Variants in ANKRD44 observed in about 807,000 individuals in gnomAD.
The protein encoded by ANKRD44 is serine/threonine-protein phosphatase 6 regulatory ankyrin repeat subunit B.
ANKRD44 carries 35 observed loss-of-function variants against 116.0 expected under a neutral mutation model. That is an observed-to-expected ratio of 0.30 (90% CI 0.23 to 0.40). The LOEUF is 0.40. Among genes scored for constraint, ANKRD44 ranks in the 10% least tolerant of loss-of-function variants. The probability of loss-of-function intolerance (pLI) is 1.00; values close to 1 mark genes in which losing one functional copy is unlikely to be tolerated. For missense variants in ANKRD44, 1,014 were observed against 1,242.6 expected (o/e 0.82, Z 2.77); for synonymous variants, 435 against 461.8 (o/e 0.94, Z 0.74).
In ANKRD44 at chr2:196,994,506, TC is replaced by T. The variant is rs1574234427; in HGVS notation, c.2832-833del. The T allele has an allele frequency of 6.0e-5, 9 of 149,486 alleles. 1 individual carries two copies. The South Asian group carries it at 1.1e-3, about 18-fold the overall frequency. 9.3% of individuals were successfully genotyped at this position (149,486 alleles called of 1,614,324 possible). On this transcript the variant is annotated intron_variant, in intron 26 of 27. Coordinates refer to ENST00000282272, the MANE Select transcript of ANKRD44 (RefSeq NM_001195144.2). ...CAGCCAACAGTCTTCTTCTTCTTCTTCTTCTTTTCTTTTTTTTTTGTGGGGG... is the reference window on the plus strand; with the variant it reads ...CAGCCAACAGTCTTCTTCTTCTTCTTTTCTTTTCTTTTTTTTTTGTGGGGG...
At chr2:197,260,351 G>T (rs968840668) in intron 1 of ANKRD44, among the ~76,000 whole-genome samples, 1 of 152,082 alleles carries the variant, frequency 6.6e-6, no homozygotes, top group African/African-American at 2.4e-5. Flanking sequence ...TTTTGTCCTT[G>T]TGATATTTTG....
At chr2:197,086,412 A>G (rs2077924314) in intron 13 of ANKRD44, among the ~76,000 whole-genome samples, 2 of 152,020 alleles carry the variant, frequency 1.3e-5, no homozygotes, top group Middle Eastern at 3.2e-3. Context: ...AACTATATCC[A>G]TGTAGGAGTT....
At chr2:197,146,887 A>G (rs1482750990) in intron 3 of ANKRD44, 140 bp downstream of exon 3, 3 of 572,544 alleles carry the variant, frequency 5.2e-6, no homozygotes, top group Non-Finnish European at 3.0e-6. Context: ...TTCTTTGTGT[A>G]ATGATAAAAT....
Position 197,243,279 on chromosome 2 carries a change from C to G in ANKRD44, c.28-56173G>C, listed in dbSNP as rs967821728. On this transcript the variant is annotated intron_variant, in intron 1 of 27. Coordinates refer to ENST00000282272, the MANE Select transcript of ANKRD44 (RefSeq NM_001195144.2). The stretch of plus-strand genomic sequence containing the variant: ...CTGAATGTCTTAAGAAGTCACTATT[C>G]CAGCCAACAGCAGGAAGAAAGACTT... Among the ~76,000 whole-genome samples the G allele has an allele frequency of 2.0e-5, 3 of 151,938 alleles. No individual in the cohort carries two copies. The East Asian group carries it at 5.8e-4, about 29-fold the overall frequency.
intron 4 of ANKRD44, among the ~76,000 whole-genome samples, chr2:197,127,972 T>C (rs1469283499): frequency 6.6e-6 from 1 of 152,216 alleles, no homozygotes; most frequent in Non-Finnish European, 1.5e-5. Context: ...TCCAGCTCCA[T>C]TCGTGTTCCT....
At chr2:197,159,418 C>CT (rs1173329614) in intron 2 of ANKRD44, among the ~76,000 whole-genome samples, 1 of 152,128 alleles carries the variant, frequency 6.6e-6, no homozygotes. Context: ...CTTTGTTTGA[C>CT]TGTGTTTCAA....
At chr2:197,225,504 C>A (rs955808217) in intron 1 of ANKRD44, among the ~76,000 whole-genome samples, 1 of 152,076 alleles carries the variant, frequency 6.6e-6, no homozygotes, top group Admixed American at 6.5e-5. Flanking sequence ...CCACCACACC[C>A]AGCTAATTTT....
intron 3 of ANKRD44, among the ~76,000 whole-genome samples, chr2:197,137,098 C>T (rs1043957302): frequency 3.3e-5 from 5 of 152,144 alleles, no homozygotes; most frequent in Non-Finnish European, 7.3e-5. Context: ...AGAGTTCACC[C>T]GCCTTCCATG....
chr2:197,005,290 C>A (rs991921773), intron 21 of ANKRD44, among the ~76,000 whole-genome samples: 2 of 151,978 alleles, frequency 1.3e-5, no homozygotes, highest in Non-Finnish European at 2.9e-5. Context: ...AAAAGATGAA[C>A]CATGCATCTA....
intron 1 of ANKRD44, among the ~76,000 whole-genome samples, chr2:197,249,810 C>T (rs971763259): frequency 3.9e-5 from 6 of 152,068 alleles, no homozygotes; most frequent in Admixed American, 2.6e-4. Flanking sequence ...TTCAAAGAAG[C>T]GTCTAGGTTT....
In ANKRD44 at chr2:197,225,335, CTT is replaced by C. The variant is rs1468155078; in HGVS notation, c.28-38231_28-38230del. 2.0e-5 allele frequency among the ~76,000 whole-genome samples: 3 copies of C among 152,060 alleles called. No individual in the cohort carries two copies. The East Asian group carries it at 5.8e-4, about 29-fold the overall frequency. Reference sequence around the variant, plus strand: ...AATCTTATGTTTCTACATTGCATGACTTTTTCTTTTTGTTGTTGTTGTTGTTG... The same window carrying C: ...AATCTTATGTTTCTACATTGCATGACTTTCTTTTTGTTGTTGTTGTTGTTG... On this transcript the variant is annotated intron_variant, in intron 1 of 27. Coordinates refer to ENST00000282272, the MANE Select transcript of ANKRD44 (RefSeq NM_001195144.2).
At chr2:197,209,199 T>TA (rs1213265652) in intron 1 of ANKRD44, among the ~76,000 whole-genome samples, 3 of 152,306 alleles carry the variant, frequency 2.0e-5, no homozygotes, top group African/African-American at 2.4e-5. Context: ...AGCCTTGAGA[T>TA]AAAAAAACTC....
intron 1 of ANKRD44, among the ~76,000 whole-genome samples, chr2:197,244,048 G>A (rs921886530): frequency 3.3e-5 from 5 of 152,132 alleles, no homozygotes; most frequent in East Asian, 1.9e-4. Context: ...AAAAGTTAGC[G>A]AACACTCATC....
chr2:197,186,328 T>C (rs2080658525), intron 2 of ANKRD44, among the ~76,000 whole-genome samples: 1 of 152,150 alleles, frequency 6.6e-6, no homozygotes, highest in South Asian at 2.1e-4. Flanking sequence ...TCAGTAACTG[T>C]AATGCTGTCA....
exon 22 of ANKRD44, chr2:196,967,415 C>T (rs762803412): frequency 2.1e-5 from 10 of 469,572 alleles, no homozygotes; most frequent in African/African-American, 1.0e-4. Flanking sequence ...TTGCAGCCAA[C>T]CGATGTTCTT....
chr2:197,290,850 C>T (rs2083547053), intron 1 of ANKRD44, among the ~76,000 whole-genome samples: 1 of 151,434 alleles, frequency 6.6e-6, no homozygotes, highest in Admixed American at 6.6e-5. Context: ...AGTCTCAGTC[C>T]AGCCCAGGCT....
intron 1 of ANKRD44, among the ~76,000 whole-genome samples, chr2:197,295,332 G>A (rs1192244781): frequency 6.6e-6 from 1 of 152,174 alleles, no homozygotes; most frequent in Non-Finnish European, 1.5e-5. Flanking sequence ...TTTCAGCTTT[G>A]CTGACCCTAT....
chr2:197,142,730 T>C (rs1295818701), intron 3 of ANKRD44, among the ~76,000 whole-genome samples: 1 of 152,194 alleles, frequency 6.6e-6, no homozygotes, highest in African/African-American at 2.4e-5. Context: ...TTGTTATGCA[T>C]AAGGAATCAA....
intron 1 of ANKRD44, among the ~76,000 whole-genome samples, chr2:197,308,594 G>A (rs943088637): frequency 2.6e-5 from 4 of 151,712 alleles, no homozygotes; most frequent in African/African-American, 9.7e-5. Context: ...TTCTTTTTAC[G>A]TATCTGGAGA....
Sources: allele counts gnomAD v4.1 joint callset (sites outside exome capture counted in the v4.1 genomes callset), GRCh38; gene constraint gnomAD v4.1.1; transcripts MANE v1.5; gene names NCBI Gene and HGNC (gene_info 2026-07-23, HGNC 2026-07-21).